The following MKX variants were observed in gnomAD, a reference collection of about 807,000 sequenced individuals.
The protein encoded by MKX is homeobox protein Mohawk.
MKX carries 13 observed loss-of-function variants against 36.0 expected under a neutral mutation model. That is an observed-to-expected ratio of 0.36 (90% CI 0.24 to 0.57). MKX has a LOEUF of 0.57. MKX is among the 20% of genes least tolerant of loss of function. The pLI, the probability that MKX is intolerant of heterozygous loss-of-function variation, is 0.79. For synonymous variants in MKX, 176 were observed against 178.3 expected, an observed-to-expected ratio of 0.99 and a Z score of 0.10; for missense variants, 458 against 456.4, an observed-to-expected ratio of 1.00 and a Z score of -0.03.
At chr10:27,687,648 C>T (rs1332013335) in intron 5 of MKX, among the ~76,000 whole-genome samples, 1 of 152,184 alleles carries the variant, frequency 6.6e-6, no homozygotes, top group Non-Finnish European at 1.5e-5. Context: ...AACAGACCAC[C>T]ACCCAGTGAT....
At chr10:27,694,831 C>A (rs893304087) in intron 5 of MKX, among the ~76,000 whole-genome samples, 1 of 151,318 alleles carries the variant, frequency 6.6e-6, no homozygotes, top group Non-Finnish European at 1.5e-5. Flanking sequence ...GCCTGGCACT[C>A]GTACACAAGA....
At chr10:27,700,140 T>G (rs887252945) in intron 5 of MKX, among the ~76,000 whole-genome samples, 1 of 152,212 alleles carries the variant, frequency 6.6e-6, no homozygotes, top group Admixed American at 6.5e-5. Context: ...GAAACATAAA[T>G]ATTTCATTTT....
At chr10:27,718,620 A>T (rs1239418955) in intron 5 of MKX, 1 of 436,108 alleles carries the variant, frequency 2.3e-6, no homozygotes, top group African/African-American at 2.0e-5. Flanking sequence ...AAGAAAAGTC[A>T]GGTCTAGTGT....
intron 5 of MKX, among the ~76,000 whole-genome samples, chr10:27,720,744 C>G (rs960851710): frequency 2.0e-5 from 3 of 152,024 alleles, no homozygotes; most frequent in Admixed American, 2.0e-4. Flanking sequence ...GTTATTACTG[C>G]TGTGAGTCAA....
At chr10:27,727,442 A>C (rs768403659) in intron 5 of MKX, among the ~76,000 whole-genome samples, 13 of 152,236 alleles carry the variant, frequency 8.5e-5, no homozygotes, top group Non-Finnish European at 1.8e-4. Context: ...GTACAATTGC[A>C]TTTGAATTTT....
At chr10:27,739,778 C>A (rs1203943125) in intron 3 of MKX, among the ~76,000 whole-genome samples, 1 of 152,078 alleles carries the variant, frequency 6.6e-6, no homozygotes. Flanking sequence ...CCAAAATAAC[C>A]TAGTGTTTCA....
rs372950191 is a variant in MKX at position 27,743,427 on chromosome 10, G to A, written c.-12C>T. 3 of 1,533,688 alleles carry A rather than the reference G, an allele frequency of 2.0e-6. No homozygotes were observed. The highest frequency in any genetic ancestry group is 2.8e-5 in the African/African-American group (2 of 71,292). On this transcript the variant is annotated 5_prime_UTR_variant, in exon 2 of 7. Coordinates refer to ENST00000419761, the MANE Select transcript of MKX (RefSeq NM_173576.3). Reference sequence around the variant, plus strand: ...ACGATGGTGTTCATGGTGTCGGTTGGTAGGGACGCGCGGCGCGGCCGCAGA... The same window carrying A: ...ACGATGGTGTTCATGGTGTCGGTTGATAGGGACGCGCGGCGCGGCCGCAGA...
In MKX at chr10:27,744,711, T is replaced by TACACACACACACACACACACACAC. The variant is rs3063184; in HGVS notation, c.-83+972_-83+995dup. 1.4e-5 allele frequency: 2 copies of TACACACACACACACACACACACAC among 142,432 alleles called. No homozygotes were observed. Among genetic ancestry groups the TACACACACACACACACACACACAC allele is most frequent in the East Asian group, 4.2e-4 (2 of 4,728 alleles). 8.8% of individuals were successfully genotyped at this position (142,432 alleles called of 1,614,324 possible). ...CTCCACTAACACACGCGCGCGCGCA[T>TACACACACACACACACACACACAC]ACACACACACACACACACACACACA... is the stretch of plus-strand genomic sequence containing the variant. On this transcript the variant is annotated intron_variant, in intron 1 of 6. Transcript: ENST00000419761. This position sits in a 1 kb window ranked among gnomAD's most constrained non-coding sequence, Gnocchi z 5.6.
Position 27,742,826 on chromosome 10 carries a change from T to C in MKX, c.188+402A>G, listed in dbSNP as rs1447491027. ...TGACCGAAGAGAAGTCCGCGGAGCC[T>C]GAGCCTGGACTCCCCGACTGCTCGG... On this transcript the variant is annotated intron_variant, in intron 2 of 6. Transcript: ENST00000419761. This position sits in a 1 kb window ranked among gnomAD's most constrained non-coding sequence, Gnocchi z 4.2. Among the ~76,000 whole-genome samples the C allele has an allele frequency of 2.0e-5, 3 of 152,072 alleles. No individual in the cohort carries two copies. Among genetic ancestry groups the C allele is most frequent in the Non-Finnish European group, 4.4e-5 (3 of 67,972 alleles).
At chr10:27,711,463 CTT>C (rs1242012389) in intron 5 of MKX, among the ~76,000 whole-genome samples, 42 of 19,076 alleles carry the variant, frequency 2.2e-3, no homozygotes, top group African/African-American at 3.8e-3. Flanking sequence ...TTCTTTCTTT[CTT>C]TCTTTCTTTC....
Position 27,741,808 on chromosome 10 carries a change from ATC to A in MKX, c.189-306_189-305del, listed in dbSNP as rs1490398086. ...AAGAATACTGCTATTCCAGTCGCGT[ATC>A]TGGGCAGCGGGGCTAACTGCTACCC... On this transcript the variant is annotated intron_variant, in intron 2 of 6. Coordinates refer to ENST00000419761, the MANE Select transcript of MKX (RefSeq NM_173576.3). The surrounding 1 kb of genome is among the most constrained non-coding windows in gnomAD (Gnocchi z 5.1). Among the ~76,000 whole-genome samples, 1 of 152,232 alleles carries A rather than the reference ATC, an allele frequency of 6.6e-6. No homozygotes were observed. Among genetic ancestry groups the A allele is most frequent in the East Asian group, 1.9e-4 (1 of 5,174 alleles).
At chr10:27,701,368 T>TTA (rs60262269) in intron 5 of MKX, among the ~76,000 whole-genome samples, 3,215 of 145,100 alleles carry the variant, frequency 0.022, 74 homozygotes, top group African/African-American at 0.048. Flanking sequence ...AAAGATGATT[T>TTA]TATATATATA....
intron 5 of MKX, among the ~76,000 whole-genome samples, chr10:27,728,324 C>A (rs1052138483): frequency 6.6e-6 from 1 of 152,258 alleles, no homozygotes; most frequent in South Asian, 2.1e-4. Flanking sequence ...CTCTTGATGC[C>A]GCCGTAAGAC....
At chr10:27,692,582 T>G (rs1836473565) in intron 5 of MKX, among the ~76,000 whole-genome samples, 1 of 152,194 alleles carries the variant, frequency 6.6e-6, no homozygotes, top group Non-Finnish European at 1.5e-5. Context: ...GTCTTTGACT[T>G]TTTTCTTAAT....
intron 5 of MKX, among the ~76,000 whole-genome samples, chr10:27,701,983 T>C (rs1052213989): frequency 3.3e-5 from 5 of 152,058 alleles, no homozygotes; most frequent in Admixed American, 2.6e-4. Flanking sequence ...GTCTGGAGAC[T>C]AGAATGTCCT....
At chr10:27,692,705 A>G (rs1836476585) in intron 5 of MKX, among the ~76,000 whole-genome samples, 1 of 152,252 alleles carries the variant, frequency 6.6e-6, no homozygotes, top group South Asian at 2.1e-4. Context: ...AGCTTTTATA[A>G]ACTAAAGTGA....
intron 5 of MKX, among the ~76,000 whole-genome samples, chr10:27,681,522 C>T (rs1479836778): frequency 6.6e-6 from 1 of 152,140 alleles, no homozygotes; most frequent in Non-Finnish European, 1.5e-5. Flanking sequence ...AAATTATATA[C>T]AGTACATAAT....
intron 5 of MKX, among the ~76,000 whole-genome samples, chr10:27,726,435 C>T (rs893817160): frequency 2.0e-5 from 3 of 152,214 alleles, no homozygotes; most frequent in Non-Finnish European, 4.4e-5. Flanking sequence ...TCTTAAGTCT[C>T]ACCTCCAAAG....
chr10:27,691,658 T>C (rs1836456019), intron 5 of MKX, among the ~76,000 whole-genome samples: 1 of 152,174 alleles, frequency 6.6e-6, no homozygotes. Flanking sequence ...TGAAACTCAG[T>C]AGTGAGCACA....
Sources: gnomAD v4.1 joint callset for allele counts (sites outside exome capture counted in the v4.1 genomes callset) on GRCh38, gnomAD v4.1.1 for gene constraint, Gnocchi (gnomAD v3.1) non-coding constraint, MANE v1.5 for transcripts, NCBI Gene and HGNC (gene_info 2026-07-23, HGNC 2026-07-21) for gene names.